QTMAN: variants seen among roughly 807,000 people sequenced by gnomAD.
QTMAN encodes tRNA-queuosine alpha-mannosyltransferase.
At chr2:144,069,311 A>C in the QTMAN span, among the ~76,000 whole-genome samples, 15 of 151,922 alleles carry the variant, frequency 9.9e-5, no homozygotes, top group Admixed American at 9.8e-4. Context: ...AAAAAAAAAA[A>C]AACACCTACA....
the QTMAN span, chr2:144,007,198 C>T: frequency 6.3e-7 from 1 of 1,589,798 alleles, no homozygotes; most frequent in Non-Finnish European, 8.6e-7. Flanking sequence ...TGAGGCCAGA[C>T]AATGTGTAGC....
the QTMAN span, among the ~76,000 whole-genome samples, chr2:144,167,226 T>C: frequency 9.2e-5 from 14 of 152,082 alleles, no homozygotes; most frequent in African/African-American, 3.4e-4. Context: ...TCAGAAGGGT[T>C]TGTCTTTAGC....
chr2:144,085,404 T>G, the QTMAN span, among the ~76,000 whole-genome samples: 22 of 152,194 alleles, frequency 1.4e-4, no homozygotes, highest in Non-Finnish European at 2.2e-4. Flanking sequence ...CTCTTTGGAA[T>G]AGTGTGCTTT....
the QTMAN span, among the ~76,000 whole-genome samples, chr2:144,083,552 C>T: frequency 6.6e-6 from 1 of 152,064 alleles, no homozygotes; most frequent in Non-Finnish European, 1.5e-5. Context: ...TAGAACAAAG[C>T]CTTAATTTTC....
chr2:144,289,122 C>T, the QTMAN span, among the ~76,000 whole-genome samples: 1 of 151,308 alleles, frequency 6.6e-6, no homozygotes. Context: ...CAAGCTCCGC[C>T]TCCCGGGTTC....
chr2:144,226,086 T>C, the QTMAN span, among the ~76,000 whole-genome samples: 3 of 152,198 alleles, frequency 2.0e-5, no homozygotes, highest in East Asian at 1.9e-4. Flanking sequence ...CAAAATGAAT[T>C]GTTCAGGTAT....
At chr2:143,940,226 A>G in the QTMAN span, 1 of 152,176 alleles carries the variant, frequency 6.6e-6, no homozygotes, top group African/African-American at 2.4e-5. Context: ...TGGTTTGACT[A>G]CGATTCTTAA....
the QTMAN span, among the ~76,000 whole-genome samples, chr2:144,283,765 A>G: frequency 6.6e-6 from 1 of 152,124 alleles, no homozygotes; most frequent in East Asian, 1.9e-4. Context: ...AAAATAACTA[A>G]AAGATGAAGA....
chr2:144,239,462 C>A, the QTMAN span, among the ~76,000 whole-genome samples: 72 of 152,180 alleles, frequency 4.7e-4, no homozygotes, highest in African/African-American at 1.7e-3. Context: ...TCTGTCATCT[C>A]ACTAACCAGA....
At chr2:144,048,732 A>G in the QTMAN span, among the ~76,000 whole-genome samples, 3 of 152,062 alleles carry the variant, frequency 2.0e-5, no homozygotes, top group African/African-American at 4.8e-5. Flanking sequence ...AACTCCCTTC[A>G]TCTACTCCCT....
At chr2:143,952,041 A>G in the QTMAN span, 1 of 1,606,042 alleles carries the variant, frequency 6.2e-7, no homozygotes, top group Non-Finnish European at 8.5e-7. Flanking sequence ...AGCCTTTTTG[A>G]AAGCTGTTCA....
At chr2:144,251,806 A>G in the QTMAN span, among the ~76,000 whole-genome samples, 18 of 152,366 alleles carry the variant, frequency 1.2e-4, no homozygotes, top group African/African-American at 4.1e-4. Context: ...ACAGACTGAG[A>G]GAAAATATTT....
At chr2:144,234,796 T>G in the QTMAN span, among the ~76,000 whole-genome samples, 12 of 152,106 alleles carry the variant, frequency 7.9e-5, no homozygotes. Flanking sequence ...GGCCACAGAA[T>G]CTGATAACAA....
chr2:143,992,066 A>G, the QTMAN span, among the ~76,000 whole-genome samples: 1 of 152,202 alleles, frequency 6.6e-6, no homozygotes, highest in South Asian at 2.1e-4. Flanking sequence ...GGCCATGATG[A>G]CAATGGTGGT....
chr2:144,142,120 C>A, the QTMAN span: 1 of 1,110,184 alleles, frequency 9.0e-7, no homozygotes, highest in Non-Finnish European at 1.3e-6. Flanking sequence ...TTTTATCAAC[C>A]TAAGACCTCT....
At chr2:144,066,675 G>A in the QTMAN span, among the ~76,000 whole-genome samples, 2 of 152,322 alleles carry the variant, frequency 1.3e-5, no homozygotes, top group Non-Finnish European at 1.5e-5. Flanking sequence ...AATGAGCCAG[G>A]TGTGGTGGCA....
the QTMAN span, among the ~76,000 whole-genome samples, chr2:144,301,863 T>C: frequency 8.9e-4 from 136 of 152,332 alleles, no homozygotes; most frequent in African/African-American, 3.2e-3. Flanking sequence ...CACGGGCACA[T>C]CATGGGTCCT....
the QTMAN span, among the ~76,000 whole-genome samples, chr2:144,133,123 A>T: frequency 0.095 from 3,654 of 38,286 alleles, 438 homozygotes; most frequent in African/African-American, 0.31. Flanking sequence ...GGTAATATAT[A>T]TATATATATA....
chr2:144,107,677 A>C, the QTMAN span, among the ~76,000 whole-genome samples: 1 of 152,230 alleles, frequency 6.6e-6, no homozygotes, highest in Admixed American at 6.5e-5. Flanking sequence ...CCAGAGGTAC[A>C]AGGAGGAGCT....
Sources: allele counts gnomAD v4.1 joint callset (sites outside exome capture counted in the v4.1 genomes callset), GRCh38; gene constraint gnomAD v4.1.1; transcripts MANE v1.5; gene names NCBI Gene and HGNC (gene_info 2026-07-23, HGNC 2026-07-21).